CNTNAP2: variants seen among roughly 807,000 people sequenced by gnomAD.
CNTNAP2 encodes the protein contactin associated protein 2.
A neutral mutation model predicts 155.2 loss-of-function variants in CNTNAP2; 98 were observed. The ratio of observed to expected loss-of-function variants is 0.63; its 90% CI spans 0.54 to 0.75. The LOEUF is 0.75. Ranked by LOEUF, CNTNAP2 falls within the 30% of genes least tolerant of loss-of-function variation. The pLI is 0.00. For synonymous variants in CNTNAP2, 651 were observed against 631.2 expected, an observed-to-expected ratio of 1.03 and a Z score of -0.47; for missense variants, 1,727 against 1,688.1, an observed-to-expected ratio of 1.02 and a Z score of -0.40.
chr7:146,563,044 G>A (rs1798303734), intron 1 of CNTNAP2, among the ~76,000 whole-genome samples: 1 of 152,028 alleles, frequency 6.6e-6, no homozygotes, highest in African/African-American at 2.4e-5. Context: ...CTTGTCCAAG[G>A]TTACATAGCT....
Position 147,829,365 on chromosome 7 carries a change from G to A in CNTNAP2, c.2099-74200G>A, listed in dbSNP as rs572858266. Among the ~76,000 whole-genome samples the A allele has an allele frequency of 1.3e-4, 20 of 152,246 alleles. 1 individual carries two copies. The South Asian group carries it at 3.3e-3, about 25-fold the overall frequency. On this transcript the variant is annotated intron_variant, in intron 13 of 23. Coordinates refer to ENST00000361727, the MANE Select transcript of CNTNAP2 (RefSeq NM_014141.6). ...AACTGAGTTACCGGGAAATTAATAC[G>A]AGCTCACACTTTAGAAAGTCTTGAT...
chr7:147,289,027 A>T (rs1437681085), intron 8 of CNTNAP2, among the ~76,000 whole-genome samples: 1 of 152,148 alleles, frequency 6.6e-6, no homozygotes, highest in African/African-American at 2.4e-5. Flanking sequence ...ATGAATCATG[A>T]TTTCCTCTAT....
At chr7:147,403,852 G>A (rs1796959420) in intron 10 of CNTNAP2, among the ~76,000 whole-genome samples, 1 of 152,004 alleles carries the variant, frequency 6.6e-6, no homozygotes, top group Admixed American at 6.6e-5. Flanking sequence ...TGTTTCTTTA[G>A]TGATGGTTTT....
intron 4 of CNTNAP2, among the ~76,000 whole-genome samples, chr7:147,099,616 A>G (rs994706440): frequency 4.6e-5 from 7 of 152,218 alleles, no homozygotes. Flanking sequence ...ATCTTTATAT[A>G]GTATCAAAAT....
intron 22 of CNTNAP2, among the ~76,000 whole-genome samples, chr7:148,388,479 A>C (rs1458159289): frequency 6.6e-6 from 1 of 151,962 alleles, no homozygotes; most frequent in African/African-American, 2.4e-5. Flanking sequence ...TGAACTCATC[A>C]TTTTTTATGG....
chr7:147,851,958 A>G (rs555629490), intron 13 of CNTNAP2, among the ~76,000 whole-genome samples: 2 of 152,258 alleles, frequency 1.3e-5, no homozygotes, highest in African/African-American at 4.8e-5. Context: ...TTTAAAAAAA[A>G]TCACTGTATT....
intron 3 of CNTNAP2, among the ~76,000 whole-genome samples, chr7:146,918,839 C>T (rs1796445188): frequency 6.6e-6 from 1 of 152,144 alleles, no homozygotes; most frequent in Non-Finnish European, 1.5e-5. Context: ...TGGTCATTTA[C>T]CATAATTGCA....
At chr7:147,813,336 A>G (rs1270970233) in intron 13 of CNTNAP2, among the ~76,000 whole-genome samples, 1 of 152,232 alleles carries the variant, frequency 6.6e-6, no homozygotes, top group Non-Finnish European at 1.5e-5. Context: ...GGGATGGTTT[A>G]TGCCTAGAAT....
chr7:146,836,171 C>A (rs1359866762), intron 2 of CNTNAP2, among the ~76,000 whole-genome samples: 1 of 152,120 alleles, frequency 6.6e-6, no homozygotes, highest in African/African-American at 2.4e-5. Flanking sequence ...AACACATACA[C>A]TAGATACTTA....
chr7:147,214,668 T>C (rs961259802), intron 8 of CNTNAP2, among the ~76,000 whole-genome samples: 1 of 152,152 alleles, frequency 6.6e-6, no homozygotes, highest in African/African-American at 2.4e-5. Flanking sequence ...TTTTAAAGAT[T>C]TGATACTTTT....
chr7:146,286,028 G>A lies in CNTNAP2; in HGVS notation c.97+169055G>A, dbSNP rs1405901285. ...TGTGTGTGTGTGTGTGTGTGTCTCTGCCTGTCTTTCTGTCTTTTTTTCAAG... is the reference window on the plus strand; with the variant it reads ...TGTGTGTGTGTGTGTGTGTGTCTCTACCTGTCTTTCTGTCTTTTTTTCAAG... On this transcript the variant is annotated intron_variant, in intron 1 of 23. Transcript: ENST00000361727. 1.1e-4 allele frequency among the ~76,000 whole-genome samples: 11 copies of A among 97,984 alleles called. No homozygotes were observed. In the South Asian group the frequency reaches 4.4e-3, roughly 39 times the overall value. The allele number at this position is 97,984 out of a possible 152,430, so 64.3% of individuals were successfully genotyped here.
chr7:146,999,438 A>T (rs948817644), intron 3 of CNTNAP2, among the ~76,000 whole-genome samples: 3 of 152,008 alleles, frequency 2.0e-5, no homozygotes, highest in African/African-American at 7.2e-5. Context: ...TTGCTACACC[A>T]TCATAGAGTA....
At chr7:147,451,492 C>T (rs1797833065) in intron 10 of CNTNAP2, among the ~76,000 whole-genome samples, 1 of 152,128 alleles carries the variant, frequency 6.6e-6, no homozygotes, top group South Asian at 2.1e-4. Flanking sequence ...AAACTCCCTC[C>T]CTGCCTTGAC....
intron 13 of CNTNAP2, among the ~76,000 whole-genome samples, chr7:147,658,391 C>T (rs78291755): frequency 0.12 from 18,157 of 151,860 alleles, 1,433 homozygotes; most frequent in Middle Eastern, 0.24. Flanking sequence ...GTCTGTGAGA[C>T]TGAAATCCAT....
intron 1 of CNTNAP2, among the ~76,000 whole-genome samples, chr7:146,583,108 A>G (rs1045572689): frequency 6.6e-6 from 1 of 151,990 alleles, no homozygotes; most frequent in Non-Finnish European, 1.5e-5. Flanking sequence ...ATAGTGTGGG[A>G]GCCGACAGAG....
intron 8 of CNTNAP2, among the ~76,000 whole-genome samples, chr7:147,171,340 G>C (rs1802222340): frequency 6.6e-6 from 1 of 152,182 alleles, no homozygotes; most frequent in South Asian, 2.1e-4. Flanking sequence ...GTGGTTTAGA[G>C]GTGGTAGCGG....
intron 1 of CNTNAP2, among the ~76,000 whole-genome samples, chr7:146,458,534 AT>A (rs1308537168): frequency 1.3e-5 from 2 of 152,142 alleles, no homozygotes; most frequent in Admixed American, 6.5e-5. Flanking sequence ...ATGTGGTACA[AT>A]TTTTGTGGAA....
At chr7:147,311,658 C>T (rs566026041) in intron 9 of CNTNAP2, among the ~76,000 whole-genome samples, 3 of 152,052 alleles carry the variant, frequency 2.0e-5, no homozygotes, top group Non-Finnish European at 4.4e-5. Context: ...AAGGTAGTTA[C>T]AGGAAGTTAT....
chr7:148,128,059 G>A (rs1006882908), intron 16 of CNTNAP2, among the ~76,000 whole-genome samples: 4 of 151,940 alleles, frequency 2.6e-5, no homozygotes, highest in African/African-American at 7.3e-5. Flanking sequence ...TTGTGGAGAC[G>A]GGGTTTCGCC....
Sources: gnomAD v4.1 joint callset for allele counts (sites outside exome capture counted in the v4.1 genomes callset) on GRCh38, gnomAD v4.1.1 for gene constraint, MANE v1.5 for transcripts, NCBI Gene and HGNC (gene_info 2026-07-23, HGNC 2026-07-21) for gene names.